Variants in FILIP1L observed in about 807,000 individuals in gnomAD.
FILIP1L encodes filamin A-interacting protein 1-like.
In FILIP1L, 55 loss-of-function variants were observed where a neutral mutation model predicts 96.6. That is an observed-to-expected ratio of 0.57 (90% CI 0.46 to 0.71). The LOEUF (loss-of-function observed/expected upper bound fraction) is 0.71. FILIP1L is among the 30% of genes least tolerant of loss of function. FILIP1L has a pLI of 0.00. For synonymous variants in FILIP1L, 467 were observed against 473.9 expected, an observed-to-expected ratio of 0.99 and a Z score of 0.19; for missense variants, 1,304 against 1,321.2, an observed-to-expected ratio of 0.99 and a Z score of 0.20.
At chr3:100,043,025 C>T (rs1218913133) in intron 1 of FILIP1L, among the ~76,000 whole-genome samples, 1 of 152,250 alleles carries the variant, frequency 6.6e-6, no homozygotes, top group African/African-American at 2.4e-5. Context: ...GTGCTGGTCA[C>T]AGCCTTCTTT....
At chr3:100,049,232 C>A (rs1185989581) in intron 1 of FILIP1L, among the ~76,000 whole-genome samples, 1 of 152,114 alleles carries the variant, frequency 6.6e-6, no homozygotes, top group African/African-American at 2.4e-5. Flanking sequence ...ATCATGGTAA[C>A]AAATAAACTG....
At chr3:100,063,717 T>G (rs1177755882) in intron 1 of FILIP1L, among the ~76,000 whole-genome samples, 1 of 146,520 alleles carries the variant, frequency 6.8e-6, no homozygotes, top group African/African-American at 2.4e-5. Flanking sequence ...TTTTTCTAGT[T>G]TGCAAGGTTG....
At chr3:99,869,679 A>T (rs1944693002) in intron 4 of FILIP1L, among the ~76,000 whole-genome samples, 1 of 152,210 alleles carries the variant, frequency 6.6e-6, no homozygotes, top group Admixed American at 6.5e-5. Flanking sequence ...CAAATTTAAC[A>T]GGCAGACACT....
chr3:100,018,219 A>T (rs1710401731), intron 1 of FILIP1L, among the ~76,000 whole-genome samples: 1 of 152,106 alleles, frequency 6.6e-6, no homozygotes, highest in Non-Finnish European at 1.5e-5. Context: ...CCAGCTACTC[A>T]GGAGGCTGAG....
At chr3:99,966,711 T>A (rs1181041956) in intron 1 of FILIP1L, among the ~76,000 whole-genome samples, 1 of 152,246 alleles carries the variant, frequency 6.6e-6, no homozygotes, top group Non-Finnish European at 1.5e-5. Context: ...ATAGAATCAT[T>A]CTAATAAATG....
intron 5 of FILIP1L, among the ~76,000 whole-genome samples, chr3:99,839,650 A>G (rs1943043471): frequency 1.3e-5 from 2 of 152,228 alleles, no homozygotes; most frequent in African/African-American, 4.8e-5. Flanking sequence ...TTGACCTGAA[A>G]ATTCTAGTTT....
chr3:99,838,495 A>T (rs1278964126), intron 5 of FILIP1L, among the ~76,000 whole-genome samples: 1 of 152,182 alleles, frequency 6.6e-6, no homozygotes. Context: ...AGCCCTGCAT[A>T]TGTTTAGGGA....
chr3:100,105,887 ACT>A (rs1378141315), intron 1 of FILIP1L, among the ~76,000 whole-genome samples: 8 of 152,122 alleles, frequency 5.3e-5, no homozygotes, highest in African/African-American at 1.9e-4. Flanking sequence ...TCAAACAAAA[ACT>A]TTTTTTTAAT....
chr3:99,904,756 C>G (rs1212272517), intron 4 of FILIP1L, among the ~76,000 whole-genome samples: 2 of 152,162 alleles, frequency 1.3e-5, no homozygotes, highest in Admixed American at 6.5e-5. Context: ...TGCGAGACTT[C>G]GTTCTATCCA....
In FILIP1L at chr3:99,848,702, A is replaced by G. The variant is rs753283981; in HGVS notation, c.2974T>C (p.Ser992Pro). The G allele has an allele frequency of 4.3e-6, 7 of 1,614,162 alleles. No individual in the cohort carries two copies. The South Asian group carries it at 7.7e-5, about 18-fold the overall frequency. ...GACATTGTCCTTTCTGGAGTTAGAG[A>G]ACCACAAGACTCTGGGGTCTGTGCT... ...ARAQTPESCGSLTPERTMSPI... is the reference protein window; with the variant it reads ...ARAQTPESCGPLTPERTMSPI... The change falls in exon 5 of 6, where the codon TCT becomes CCT. Residue 992 changes from serine (S) to proline (P), a missense_variant. Transcript: ENST00000477258.
chr3:99,846,818 A>C (rs1943385581), intron 5 of FILIP1L, among the ~76,000 whole-genome samples: 1 of 152,236 alleles, frequency 6.6e-6, no homozygotes. Context: ...AATTGTATTT[A>C]AAATCAATAA....
chr3:100,001,507 G>A (rs1709841887), intron 1 of FILIP1L, among the ~76,000 whole-genome samples: 1 of 152,122 alleles, frequency 6.6e-6, no homozygotes, highest in Non-Finnish European at 1.5e-5. Context: ...AGAATGTATT[G>A]GTGGTTCTGG....
chr3:99,936,506 G>A (rs1014461657), intron 1 of FILIP1L, among the ~76,000 whole-genome samples: 2 of 141,588 alleles, frequency 1.4e-5, no homozygotes, highest in Non-Finnish European at 3.0e-5. Context: ...CTCCCAAGTA[G>A]CTGGGACTAC....
At chr3:99,979,436 A>G (rs1709058070) in intron 1 of FILIP1L, among the ~76,000 whole-genome samples, 1 of 152,242 alleles carries the variant, frequency 6.6e-6, no homozygotes, top group Non-Finnish European at 1.5e-5. Context: ...TTTCTAATGG[A>G]GTAATTTCTA....
chr3:99,855,875 G>A lies in FILIP1L; in HGVS notation c.606-4805C>T, dbSNP rs115689260. 8.8e-3 allele frequency among the ~76,000 whole-genome samples: 1,334 copies of A among 152,264 alleles called. 21 individuals are homozygous for A. The highest frequency in any genetic ancestry group is 0.027 in the African/African-American group (1,104 of 41,544). ...TATATTTTAACATTTGCCATCTAAT[G>A]TAAAAGTCCTCATTAACAAATCGGA... On this transcript the variant is annotated intron_variant, in intron 4 of 5. Transcript: ENST00000477258.
intron 1 of FILIP1L, among the ~76,000 whole-genome samples, chr3:99,992,268 C>G (rs1239983154): frequency 6.6e-6 from 1 of 152,074 alleles, no homozygotes; most frequent in Non-Finnish European, 1.5e-5. Flanking sequence ...AAAGGTTGTA[C>G]TAATTTACAT....
chr3:100,014,207 A>T (rs898377060), intron 1 of FILIP1L, among the ~76,000 whole-genome samples: 1 of 150,988 alleles, frequency 6.6e-6, no homozygotes, highest in Non-Finnish European at 1.5e-5. Context: ...TATATATATT[A>T]TATATATATC....
intron 1 of FILIP1L, among the ~76,000 whole-genome samples, chr3:99,974,561 T>A (rs1166348916): frequency 1.3e-5 from 2 of 151,918 alleles, no homozygotes; most frequent in Non-Finnish European, 2.9e-5. Flanking sequence ...AATACAAAAT[T>A]AGCCGGGTGG....
intron 1 of FILIP1L, among the ~76,000 whole-genome samples, chr3:100,022,399 C>T (rs1011708083): frequency 3.3e-5 from 5 of 152,288 alleles, no homozygotes; most frequent in Non-Finnish European, 7.3e-5. Context: ...ATGCTTGTTA[C>T]GGCACAACTC....
Sources: allele counts gnomAD v4.1 joint callset (sites outside exome capture counted in the v4.1 genomes callset), GRCh38; gene constraint gnomAD v4.1.1; transcripts MANE v1.5; gene names NCBI Gene and HGNC (gene_info 2026-07-23, HGNC 2026-07-21).